AKAP13: variants seen among roughly 807,000 people sequenced by gnomAD.
AKAP13 encodes A-kinase anchor protein 13.
In AKAP13, 80 loss-of-function variants were observed where a neutral mutation model predicts 264.5. The observed-to-expected ratio is 0.30, with a 90% confidence interval of 0.25 to 0.36. The LOEUF is 0.36. AKAP13 is among the 10% of genes least tolerant of loss of function. The pLI, the probability that AKAP13 is intolerant of heterozygous loss-of-function variation, is 1.00. For synonymous variants in AKAP13, 1,380 were observed against 1,250.2 expected (o/e 1.10, Z -2.19); for missense variants, 3,712 against 3,435.2 (o/e 1.08, Z -2.01).
intron 5 of AKAP13, among the ~76,000 whole-genome samples, chr15:85,548,301 C>T (rs2077825723): frequency 6.6e-6 from 1 of 152,130 alleles, no homozygotes; most frequent in African/African-American, 2.4e-5. Flanking sequence ...CTATTTACTT[C>T]CTGGATGATA....
intron 8 of AKAP13, among the ~76,000 whole-genome samples, chr15:85,631,940 C>T (rs1452609134): frequency 1.3e-5 from 2 of 152,008 alleles, no homozygotes; most frequent in Non-Finnish European, 2.9e-5. Context: ...TATAAGTTGT[C>T]TCTTTGTGGT....
intron 1 of AKAP13, among the ~76,000 whole-genome samples, chr15:85,418,599 T>G (rs2072357586): frequency 1.3e-5 from 2 of 152,220 alleles, no homozygotes; most frequent in South Asian, 2.1e-4. Context: ...GTTGAATTAT[T>G]TAAGCTTGTA....
intron 2 of AKAP13, among the ~76,000 whole-genome samples, chr15:85,497,214 G>A (rs1172926015): frequency 6.6e-6 from 1 of 152,182 alleles, no homozygotes; most frequent in Non-Finnish European, 1.5e-5. Flanking sequence ...ACAAGTATTT[G>A]TGAAGCACCT....
intron 17 of AKAP13, among the ~76,000 whole-genome samples, chr15:85,697,017 G>C (rs149337217): frequency 2.2e-4 from 33 of 152,302 alleles, no homozygotes; most frequent in Admixed American, 8.5e-4. Context: ...GTATGTGCTA[G>C]AACTTCAGGC....
intron 1 of AKAP13, among the ~76,000 whole-genome samples, chr15:85,382,527 G>T (rs1381016536): frequency 6.6e-6 from 1 of 152,206 alleles, no homozygotes; most frequent in Admixed American, 6.5e-5. Flanking sequence ...GGTTGGAAGG[G>T]ATTGTCAGGG....
intron 1 of AKAP13, among the ~76,000 whole-genome samples, chr15:85,407,008 C>A (rs937957655): frequency 2.6e-5 from 4 of 151,574 alleles, no homozygotes; most frequent in Non-Finnish European, 5.9e-5. Context: ...ACTTACAAAA[C>A]AGAAATAATA....
Position 85,579,118 on chromosome 15 carries a change from T to A in AKAP13, c.1050T>A (p.Thr350=). Reference sequence around the variant, plus strand: ...GCCCAGGGAGCCCTGTTGCACAGACTGAAAGTCCCTGTGATTTGTCAAGCA... The same window carrying A: ...GCCCAGGGAGCCCTGTTGCACAGACAGAAAGTCCCTGTGATTTGTCAAGCA... ...QCCPGSPVAQ[T]ESPCDLSSIV... The change falls in exon 7 of 37, where the codon ACT becomes ACA. Residue 350 remains threonine, a synonymous_variant. Transcript: ENST00000394518. 1 of 1,614,132 alleles carries A rather than the reference T, an allele frequency of 6.2e-7. No individual in the cohort carries two copies. Among genetic ancestry groups the A allele is most frequent in the Non-Finnish European group, 8.5e-7 (1 of 1,180,026 alleles).
rs751735705 is a variant in AKAP13, at chr15:85,543,950, A to G, written c.657A>G (p.Leu219=). Residue 219 remains leucine, a synonymous_variant, in exon 5 of 37, where the codon CTA becomes CTG. Transcript: ENST00000394518. ...GCTATCACAAGCTGCACCAGCTTCTAACCGAGTAAGTGCTCCTTCTGCCTT... is the reference window on the plus strand; with the variant it reads ...GCTATCACAAGCTGCACCAGCTTCTGACCGAGTAAGTGCTCCTTCTGCCTT... ...ERGYHKLHQL[L]TEENAGEPDS... is the part of the protein sequence containing the mutation. 12 of 1,611,774 alleles carry G rather than the reference A, an allele frequency of 7.4e-6. 1 individual carries two copies. The Admixed American group carries it at 2.0e-4, about 27-fold the overall frequency.
chr15:85,733,873 C>CTT (rs72092500), intron 30 of AKAP13, among the ~76,000 whole-genome samples: 5,861 of 82,506 alleles, frequency 0.071, 400 homozygotes, highest in Non-Finnish European at 0.1. Context: ...TCTTTCTTTT[C>CTT]TTTTTTTTTT....
At chr15:85,459,607 C>T (rs1159525437) in intron 1 of AKAP13, among the ~76,000 whole-genome samples, 1 of 151,278 alleles carries the variant, frequency 6.6e-6, no homozygotes, top group Non-Finnish European at 1.5e-5. Context: ...TCACACCATT[C>T]TGCTGCCTCA....
intron 14 of AKAP13, among the ~76,000 whole-genome samples, chr15:85,671,116 A>T (rs1234115121): frequency 2.0e-5 from 3 of 149,736 alleles, no homozygotes; most frequent in South Asian, 2.1e-4. Context: ...AAATAAACAC[A>T]CTCTCCTGGT....
At chr15:85,565,192 T>G (rs528908384) in intron 5 of AKAP13, among the ~76,000 whole-genome samples, 1 of 152,238 alleles carries the variant, frequency 6.6e-6, no homozygotes, top group East Asian at 1.9e-4. Context: ...CCACAATTGG[T>G]GGTAAAGTAC....
intron 13 of AKAP13, 120 bp from the exon 14 acceptor site, chr15:85,669,602 C>G (rs114468374): frequency 3.1e-6 from 2 of 652,664 alleles, no homozygotes; most frequent in East Asian, 6.2e-5. Context: ...AAGGCCTGTG[C>G]TCTCACCCGC....
Position 85,630,209 on chromosome 15 carries a change from A to ACAC in AKAP13, c.4162-9165_4162-9164insCAC, listed in dbSNP as rs71141412. Among the ~76,000 whole-genome samples the ACAC allele has an allele frequency of 1.6e-3, 49 of 30,522 alleles. 1 individual carries two copies. The highest frequency in any genetic ancestry group is 6.1e-3 in the Admixed American group (21 of 3,454). 20.0% of individuals were successfully genotyped at this position (30,522 alleles called of 152,430 possible). On this transcript the variant is annotated intron_variant, in intron 8 of 36. Coordinates refer to ENST00000394518, the MANE Select transcript of AKAP13 (RefSeq NM_007200.5). ...CACACACACACACACACACACACAC[A>ACAC]TCATGAACTAAGATGGAAAATTGTA... is the stretch of plus-strand genomic sequence containing the variant.
chr15:85,619,577 A>C (rs1389304966), intron 8 of AKAP13: 9 of 985,316 alleles, frequency 9.1e-6, no homozygotes, highest in Non-Finnish European at 9.6e-6. Flanking sequence ...AACAGAATCT[A>C]ATGACTTTTT....
chr15:85,526,840 A>C (rs963834309), intron 3 of AKAP13, among the ~76,000 whole-genome samples: 1 of 152,202 alleles, frequency 6.6e-6, no homozygotes, highest in African/African-American at 2.4e-5. Flanking sequence ...ATATTCTAGA[A>C]AACTTAAATT....
chr15:85,674,824 A>G (rs967272309), intron 14 of AKAP13, among the ~76,000 whole-genome samples: 4 of 151,008 alleles, frequency 2.6e-5, no homozygotes, highest in South Asian at 2.1e-4. Flanking sequence ...TGAAATATGT[A>G]TGTGTGTGTG....
rs769334865 is a variant in AKAP13 at position 85,736,113 on chromosome 15, T to A, written c.7536T>A (p.Phe2512Leu). 1.2e-6 allele frequency: 2 copies of A among 1,606,688 alleles called. No homozygotes were observed. Among genetic ancestry groups the A allele is most frequent in the Non-Finnish European group, 1.7e-6 (2 of 1,173,460 alleles). Residue 2512 changes from phenylalanine to leucine, a missense_variant, in exon 33 of 37, where the codon TTT (phenylalanine) becomes TTA (leucine). By Grantham distance (22) the Phe-to-Leu change is conservative. This residue lies in a region of AKAP13 where 611 missense variants were observed against 539.3 expected (regional missense o/e 1.13). Coordinates refer to ENST00000394518, the MANE Select transcript of AKAP13 (RefSeq NM_007200.5). ...LKKGGNANLV[F>L]MLKRNSEQVV... Reference sequence around the variant, plus strand: ...AGGGTGGAAATGCTAACCTGGTATTTATGCTTAAAAGAAACAGTGAGGTAA... The same window carrying A: ...AGGGTGGAAATGCTAACCTGGTATTAATGCTTAAAAGAAACAGTGAGGTAA...
chr15:85,684,817 G>A lies in AKAP13; in HGVS notation c.5233G>A (p.Val1745Ile). ...TTCTGAATGGAAGAGTGGAACAAAA[G>A]TCAGTCGTACATTCAGCTACATCAA... ...KDSEWKSGTK[V>I]SRTFSYIKNK... Residue 1745 changes from valine to isoleucine, a missense_variant, in exon 16 of 37, where the codon GTC (valine) becomes ATC (isoleucine). By Grantham distance (29) the Val-to-Ile change is conservative. Coordinates refer to ENST00000394518, the MANE Select transcript of AKAP13 (RefSeq NM_007200.5). 1.2e-6 allele frequency: 2 copies of A among 1,613,922 alleles called. No individual in the cohort carries two copies. Among genetic ancestry groups the A allele is most frequent in the East Asian group, 2.2e-5 (1 of 44,874 alleles).
Sources: gnomAD v4.1 joint callset for allele counts (sites outside exome capture counted in the v4.1 genomes callset) on GRCh38, gnomAD v4.1.1 for gene constraint, gnomAD v4.1.1 regional missense constraint, MANE v1.5 for transcripts, NCBI Gene and HGNC (gene_info 2026-07-23, HGNC 2026-07-21) for gene names.